HNF4G: variants seen among roughly 807,000 people sequenced by gnomAD.
The protein encoded by HNF4G is hepatocyte nuclear factor 4 gamma.
A neutral mutation model predicts 50.9 loss-of-function variants in HNF4G; 21 were observed. The ratio of observed to expected loss-of-function variants is 0.41; its 90% CI spans 0.29 to 0.59. The LOEUF is 0.59. Among genes scored for constraint, HNF4G ranks in the 20% least tolerant of loss-of-function variants. HNF4G has a pLI of 0.26. For synonymous variants in HNF4G, 198 were observed against 185.6 expected (o/e 1.07, Z -0.54); for missense variants, 527 against 559.4 (o/e 0.94, Z 0.58).
intron 1 of HNF4G, among the ~76,000 whole-genome samples, chr8:75,452,953 G>A (rs10104010): frequency 0.53 from 79,946 of 152,090 alleles, 23,366 homozygotes; most frequent in African/African-American, 0.79. Flanking sequence ...TCTATATTAG[G>A]TAGATTTAGA....
At chr8:75,457,488 A>C (rs1811749643) in intron 1 of HNF4G, among the ~76,000 whole-genome samples, 1 of 152,202 alleles carries the variant, frequency 6.6e-6, no homozygotes, top group Non-Finnish European at 1.5e-5. Context: ...GAACGTGTCC[A>C]GGATGAGACA....
chr8:75,505,676 T>C (rs1274886856), intron 2 of HNF4G, among the ~76,000 whole-genome samples: 1 of 129,334 alleles, frequency 7.7e-6, no homozygotes, highest in Non-Finnish European at 1.6e-5. Context: ...AACTCCGTAA[T>C]GCAAGATTTC....
At position 75,566,095 on chromosome 8, in the gene HNF4G, T is replaced by C. The variant is rs962083321; in HGVS notation, c.*1999T>C. 1.3e-5 allele frequency: 2 copies of C among 152,084 alleles called. No individual in the cohort carries two copies. The highest frequency in any genetic ancestry group is 1.9e-4 in the East Asian group (1 of 5,194). 9.4% of individuals were successfully genotyped at this position (152,084 alleles called of 1,614,324 possible). On this transcript the variant is annotated 3_prime_UTR_variant, in exon 10 of 10. Coordinates refer to ENST00000396423, the MANE Select transcript of HNF4G (RefSeq NM_004133.5). ...GCTGCTGTAATGAAATACTATGAAC[T>C]TGGCAGCTTATAAACAACAGAAATT... is the stretch of plus-strand genomic sequence containing the variant.
In HNF4G at chr8:75,478,248, A is replaced by C. The variant is rs148054336; in HGVS notation, c.-143-11841A>C. Among the ~76,000 whole-genome samples, 60 of 152,270 alleles carry C rather than the reference A, an allele frequency of 3.9e-4. 1 individual carries two copies. Among genetic ancestry groups the C allele is most frequent in the African/African-American group, 1.3e-3 (55 of 41,570 alleles). ...AGGATCGCTTGAGCCCAGGAGGCCC[A>C]GGCTGCAGTGAGTTGAGATCCCACC... On this transcript the variant is annotated intron_variant, in intron 1 of 10. Transcript: ENST00000354370.
At chr8:75,516,155 G>C (rs920585362) in intron 2 of HNF4G, among the ~76,000 whole-genome samples, 4 of 152,188 alleles carry the variant, frequency 2.6e-5, no homozygotes, top group African/African-American at 9.7e-5. Flanking sequence ...TTTACCAGCT[G>C]TCTGGGCATC....
chr8:75,530,878 T>A (rs1291459203), intron 2 of HNF4G, among the ~76,000 whole-genome samples: 1 of 149,470 alleles, frequency 6.7e-6, no homozygotes, highest in Non-Finnish European at 1.5e-5. Context: ...CTGCAACCTC[T>A]GCCTCCTGGG....
intron 1 of HNF4G, 104 bp downstream of exon 1, chr8:75,540,184 G>A: frequency 1.4e-6 from 1 of 691,608 alleles, no homozygotes; most frequent in Non-Finnish European, 2.6e-6. Flanking sequence ...TTTTGCTGGA[G>A]AGTTTAGGGC....
At chr8:75,504,633 A>T (rs1429434744) in intron 2 of HNF4G, among the ~76,000 whole-genome samples, 1 of 152,190 alleles carries the variant, frequency 6.6e-6, no homozygotes, top group Non-Finnish European at 1.5e-5. Flanking sequence ...ATATATTTTG[A>T]GGTTAATGCA....
intron 1 of HNF4G, among the ~76,000 whole-genome samples, chr8:75,424,751 A>G (rs191409907): frequency 0.018 from 2,791 of 152,286 alleles, 59 homozygotes; most frequent in African/African-American, 0.042. Context: ...ATAGTATTCC[A>G]TGGTATATAT....
chr8:75,493,844 A>C (rs2130688806), intron 2 of HNF4G, among the ~76,000 whole-genome samples: 1 of 152,134 alleles, frequency 6.6e-6, no homozygotes, highest in African/African-American at 2.4e-5. Flanking sequence ...TTCTTTTTCA[A>C]AAAAAATGTT....
At chr8:75,494,613 A>G (rs1313528061) in intron 2 of HNF4G, among the ~76,000 whole-genome samples, 3 of 152,142 alleles carry the variant, frequency 2.0e-5, no homozygotes, top group Non-Finnish European at 4.4e-5. Context: ...ATCAAGGACC[A>G]GTATTGTGGT....
intron 1 of HNF4G, among the ~76,000 whole-genome samples, chr8:75,431,709 C>T (rs546202530): frequency 9.9e-5 from 15 of 151,938 alleles, no homozygotes; most frequent in Middle Eastern, 3.4e-3. Flanking sequence ...GGGTGGATCA[C>T]GAGGTCAGGA....
Position 75,543,957 on chromosome 8 carries a change from A to G in HNF4G, c.265A>G (p.Lys89Glu). The part of the protein sequence containing the change: ...CKGFFRRSIR[K>E]SHVYSCRFSR... ...GGGTTTCTTCAGACGCAGCATTCGTAAGAGTCACGTTTATTCTTGCAGGTA... is the reference window on the plus strand; with the variant it reads ...GGGTTTCTTCAGACGCAGCATTCGTGAGAGTCACGTTTATTCTTGCAGGTA... The change falls in exon 2 of 10, where the codon AAG (lysine) becomes GAG (glutamate). Residue 89 changes from lysine (K) to glutamate (E), a missense_variant. This residue lies in a region of HNF4G where 128 missense variants were observed against 135.3 expected (regional missense o/e 0.95). Transcript: ENST00000396423. 6.3e-7 allele frequency: 1 copy of G among 1,597,382 alleles called. No individual in the cohort carries two copies. Among genetic ancestry groups the G allele is most frequent in the Non-Finnish European group, 8.5e-7 (1 of 1,170,446 alleles).
chr8:75,559,247 G>A (rs1807228692), intron 8 of HNF4G, among the ~76,000 whole-genome samples: 1 of 147,144 alleles, frequency 6.8e-6, no homozygotes, highest in African/African-American at 2.6e-5. Flanking sequence ...TACTTGAACA[G>A]ATTCAAACCC....
intron 1 of HNF4G, among the ~76,000 whole-genome samples, chr8:75,480,797 G>A (rs1812359499): frequency 6.8e-6 from 1 of 146,334 alleles, no homozygotes; most frequent in Non-Finnish European, 1.5e-5. Flanking sequence ...TGCAACCTCT[G>A]CCTCCTGGGT....
intron 2 of HNF4G, among the ~76,000 whole-genome samples, chr8:75,496,346 T>G (rs865958051): frequency 6.6e-6 from 1 of 152,074 alleles, no homozygotes; most frequent in Admixed American, 6.6e-5. Flanking sequence ...AGCAGCTTCC[T>G]GAATATATCT....
chr8:75,411,579 A>G (rs1810505795), intron 1 of HNF4G, among the ~76,000 whole-genome samples: 1 of 152,184 alleles, frequency 6.6e-6, no homozygotes, highest in Non-Finnish European at 1.5e-5. Context: ...TGTTCCCCTG[A>G]AAACCTTTTA....
chr8:75,414,885 T>C (rs59490393), intron 1 of HNF4G, among the ~76,000 whole-genome samples: 2,614 of 152,334 alleles, frequency 0.017, 51 homozygotes, highest in African/African-American at 0.039. Flanking sequence ...TGTGTACACT[T>C]ACATTTGTCT....
intron 2 of HNF4G, among the ~76,000 whole-genome samples, chr8:75,521,858 T>G (rs1806052184): frequency 6.6e-6 from 1 of 152,186 alleles, no homozygotes; most frequent in African/African-American, 2.4e-5. Context: ...CTTACACTTT[T>G]GTATGTCTCC....
Sources: allele counts gnomAD v4.1 joint callset (sites outside exome capture counted in the v4.1 genomes callset), GRCh38; gene constraint gnomAD v4.1.1; regional missense constraint gnomAD v4.1.1; transcripts MANE v1.5; gene names NCBI Gene and HGNC (gene_info 2026-07-23, HGNC 2026-07-21).